The following C11orf71 variants were observed in gnomAD, a reference collection of about 807,000 sequenced individuals.
C11orf71 encodes chromosome 11 open reading frame 71.
For missense variants in C11orf71, 179 were observed against 167.6 expected (o/e 1.07, Z -0.38); for synonymous variants, 72 against 73.4 (o/e 0.98, Z 0.09).
rs747681604 is a variant in C11orf71 at position 114,391,602 on chromosome 11, C to A, written c.407G>T (p.Cys136Phe). The change falls in exon 2 of 2, where the codon TGC becomes TTC. Residue 136 changes from cysteine (C) to phenylalanine (F), a missense_variant. Transcript: ENST00000325636. ...AATTTCAAAAATATTTGAATGGCTG[C>A]ATGTTGAACACCATCTTAAATCAGG... is the stretch of plus-strand genomic sequence containing the variant. The A allele has an allele frequency of 3.3e-6, 5 of 1,537,334 alleles. No homozygotes were observed. The South Asian group carries it at 6.2e-5, about 19-fold the overall frequency.
chr11:114,397,728 T>G (rs1946139846), downstream of C11orf71, among the ~76,000 whole-genome samples: 1 of 152,156 alleles, frequency 6.6e-6, no homozygotes, highest in African/African-American at 2.4e-5. Context: ...TTTTCCCTCA[T>G]AAGCTAAAAA....
Position 114,399,810 on chromosome 11 carries a change from T to C in C11orf71, c.*150A>G, listed in dbSNP as rs1946165923. 2 of 1,131,858 alleles carry C rather than the reference T, an allele frequency of 1.8e-6. No individual in the cohort carries two copies. Among genetic ancestry groups the C allele is most frequent in the Non-Finnish European group, 2.4e-6 (2 of 828,184 alleles). The allele number at this position is 1,131,858 out of a possible 1,614,324, so 70.1% of individuals were successfully genotyped here. A position where few individuals can be genotyped will look rare whatever the true frequency, so the allele number is the denominator to read the frequency against. On this transcript the variant is annotated 3_prime_UTR_variant, in exon 1 of 1. Transcript: ENST00000623205. ...AAATCAATCAACTGTTACACTTCCC[T>C]TAGTGCTAGGACATATTCATATAAC...
In C11orf71 at chr11:114,399,265, C is replaced by T. The variant is rs947151020; in HGVS notation, c.*695G>A. ...TAGTTGAATGAACAAACACACATTTCAAGGAGGGCACTACAGTGAGTAGAT... is the reference window on the plus strand; with the variant it reads ...TAGTTGAATGAACAAACACACATTTTAAGGAGGGCACTACAGTGAGTAGAT... On this transcript the variant is annotated 3_prime_UTR_variant, in exon 1 of 1. Coordinates refer to ENST00000623205, the MANE Select transcript of C11orf71 (RefSeq NM_001271562.2). 3.9e-5 allele frequency: 6 copies of T among 152,092 alleles called. No individual in the cohort carries two copies. Among genetic ancestry groups the T allele is most frequent in the Non-Finnish European group, 8.8e-5 (6 of 68,030 alleles). 9.4% of individuals were successfully genotyped at this position (152,092 alleles called of 1,614,324 possible). A position where few individuals can be genotyped will look rare whatever the true frequency, so the allele number is the denominator to read the frequency against.
At chr11:114,393,193 A>G (rs1326664910) in intron 1 of C11orf71, among the ~76,000 whole-genome samples, 1 of 152,240 alleles carries the variant, frequency 6.6e-6, no homozygotes, top group Admixed American at 6.5e-5. Flanking sequence ...CATTGTTTGA[A>G]CACCAGCATC....
Position 114,392,506 on chromosome 11 carries a change from C to G in C11orf71, c.344-841G>C, listed in dbSNP as rs188704475. On this transcript the variant is annotated intron_variant, in intron 1 of 1. Coordinates refer to the C11orf71 transcript ENST00000325636. ...GGAGCTGAGATCATGCCACTACACT[C>G]CAGCCTAGGTGATAGAATGAGACAA... Among the ~76,000 whole-genome samples the G allele has an allele frequency of 7.0e-4, 90 of 128,938 alleles. No individual in the cohort carries two copies. In the Middle Eastern group the frequency reaches 0.02, roughly 28 times the overall value. The allele number at this position is 128,938 out of a possible 152,430, so 84.6% of individuals were successfully genotyped here. A position where few individuals can be genotyped will look rare whatever the true frequency, so the allele number is the denominator to read the frequency against.
chr11:114,394,214 T>TTTTCTTTTC (rs1565256425), downstream of C11orf71, among the ~76,000 whole-genome samples: 46 of 57,034 alleles, frequency 8.1e-4, 1 homozygote, highest in Middle Eastern at 6.6e-3. Context: ...TTTTCTTTTC[T>TTTTCTTTTC]TTTCTTTTCT....
chr11:114,394,228 C>CTTTCCTTTCCTTTCCTTTCTTTTCT (rs1946102532), downstream of C11orf71, among the ~76,000 whole-genome samples: 21 of 48,700 alleles, frequency 4.3e-4, 1 homozygote, highest in Non-Finnish European at 6.5e-4. Flanking sequence ...CTTTTCTTTT[C>CTTTCCTTTCCTTTCCTTTCTTTTCT]TTTCTTTTCT....
chr11:114,400,453 G>C lies in C11orf71; in HGVS notation c.-122C>G. ...ACTAAGCACACAGGAACCCATAACT[G>C]AGCCTGCGGAAGAGCCAGAAGCCGC... On this transcript the variant is annotated 5_prime_UTR_variant, in exon 1 of 1. An upstream open reading frame in the 5' UTR gains an earlier in-frame stop. Coordinates refer to ENST00000623205, the MANE Select transcript of C11orf71 (RefSeq NM_001271562.2). The C allele has an allele frequency of 7.3e-7, 1 of 1,369,954 alleles. No homozygotes were observed. Among genetic ancestry groups the C allele is most frequent in the Non-Finnish European group, 9.8e-7 (1 of 1,024,910 alleles). 84.9% of individuals were successfully genotyped at this position (1,369,954 alleles called of 1,614,324 possible).
At position 114,399,099 on chromosome 11, in the gene C11orf71, C is replaced by G. The variant is rs912514976; in HGVS notation, c.*861G>C. The G allele has an allele frequency of 1.7e-4, 26 of 150,074 alleles. No homozygotes were observed. The highest frequency in any genetic ancestry group is 6.4e-4 in the African/African-American group (26 of 40,858). The allele number at this position is 150,074 out of a possible 1,614,324, so 9.3% of individuals were successfully genotyped here. A position where few individuals can be genotyped will look rare whatever the true frequency, so the allele number is the denominator to read the frequency against. On this transcript the variant is annotated 3_prime_UTR_variant, in exon 1 of 1. Coordinates refer to ENST00000623205, the MANE Select transcript of C11orf71 (RefSeq NM_001271562.2). ...CTGCAACCAGTACTTATGTTTATTA[C>G]TGTACCTAATAAACAGCCCAGCGTG...
At position 114,392,815 on chromosome 11, in the gene C11orf71, G is replaced by A. The variant is rs376531400; in HGVS notation, c.344-1150C>T. ...AATCCTGTTAGCCACAGAAAACCCC[G>A]TGCCAGATCTGCCCACTGGCCACTC... On this transcript the variant is annotated intron_variant, in intron 1 of 1. Coordinates refer to the C11orf71 transcript ENST00000325636. Among the ~76,000 whole-genome samples, 9 of 150,202 alleles carry A rather than the reference G, an allele frequency of 6.0e-5. No homozygotes were observed. In the South Asian group the frequency reaches 8.4e-4, roughly 14 times the overall value.
chr11:114,393,371 C>A (rs1213029081), intron 1 of C11orf71, among the ~76,000 whole-genome samples: 1 of 152,208 alleles, frequency 6.6e-6, no homozygotes, highest in Non-Finnish European at 1.5e-5. Context: ...ATTCAAAGTC[C>A]ATTTAACTCT....
At chr11:114,394,268 T>TTTTCTTTTCTTTTCTTTTCTTTTC (rs1946109098), downstream of C11orf71, among the ~76,000 whole-genome samples, 3 of 75,168 alleles carry the variant, frequency 4.0e-5, 1 homozygote, top group Non-Finnish European at 6.9e-5. Context: ...TTTTCTTTTC[T>TTTTCTTTTCTTTTCTTTTCTTTTC]TTTCTTTTCT....
chr11:114,400,012 T>G lies in C11orf71; in HGVS notation c.320A>C (p.Gln107Pro). 6.2e-7 allele frequency: 1 copy of G among 1,613,866 alleles called. No homozygotes were observed. The highest frequency in any genetic ancestry group is 2.2e-5 in the East Asian group (1 of 44,884). Reference sequence around the variant, plus strand: ...ACCTCCTAATGCAATCAAACGCTGTTGCAGCACACTTCTTAGGAGATCGGG... The same window carrying G: ...ACCTCCTAATGCAATCAAACGCTGTGGCAGCACACTTCTTAGGAGATCGGG... ...VEPDLLRSVL[Q>P]QRLIALGGVI... is the part of the protein sequence containing the mutation. The change falls in exon 1 of 1, where the codon CAA becomes CCA. Residue 107 changes from glutamine (Q) to proline (P), a missense_variant. Physicochemically the swap from Gln to Pro is moderately conservative, Grantham distance 76. Coordinates refer to ENST00000623205, the MANE Select transcript of C11orf71 (RefSeq NM_001271562.2).
downstream of C11orf71, among the ~76,000 whole-genome samples, chr11:114,394,218 CTTT>C (rs1224127229): frequency 1.8e-5 from 1 of 55,466 alleles, no homozygotes; most frequent in African/African-American, 1.1e-4. Flanking sequence ...CTTTTCTTTT[CTTT>C]TCTTTTCTTT....
At chr11:114,397,276 T>C (rs1946136766), downstream of C11orf71, among the ~76,000 whole-genome samples, 1 of 152,350 alleles carries the variant, frequency 6.6e-6, no homozygotes, top group South Asian at 2.1e-4. Flanking sequence ...ATTGATACTA[T>C]ATAAAAATTC....
rs1946180231 is a variant in C11orf71, at chr11:114,400,497, T to C, written c.-166A>G. On this transcript the variant is annotated 5_prime_UTR_variant, in exon 1 of 1. It adds an upstream start codon to the 5' untranslated region. Coordinates refer to ENST00000623205, the MANE Select transcript of C11orf71 (RefSeq NM_001271562.2). Reference sequence around the variant, plus strand: ...AAGCCGCCTTGCCTTTAACGAGGGGTATCCTGGCGAGCATGCGCAGACCGT... The same window carrying C: ...AAGCCGCCTTGCCTTTAACGAGGGGCATCCTGGCGAGCATGCGCAGACCGT... 5 of 1,266,416 alleles carry C rather than the reference T, an allele frequency of 3.9e-6. No individual in the cohort carries two copies. The South Asian group carries it at 7.6e-5, about 19-fold the overall frequency. The allele number at this position is 1,266,416 out of a possible 1,614,324, so 78.4% of individuals were successfully genotyped here.
At chr11:114,394,233 T>TTTCCTTTCCTTTCCTTTCCTTTCC (rs1565256526), downstream of C11orf71, among the ~76,000 whole-genome samples, 1 of 37,734 alleles carries the variant, frequency 2.7e-5, no homozygotes. Flanking sequence ...CTTTTCTTTC[T>TTTCCTTTCCTTTCCTTTCCTTTCC]TTTCTTTTCT....
chr11:114,399,879 ACAC>A lies in C11orf71; in HGVS notation c.*78_*80del, dbSNP rs1209155464. On this transcript the variant is annotated 3_prime_UTR_variant, in exon 1 of 1. Coordinates refer to ENST00000623205, the MANE Select transcript of C11orf71 (RefSeq NM_001271562.2). Reference sequence around the variant, plus strand: ...AATACATCCATCTAAAAATAAAACAACACGATTGCTGCTACACCAAGAAAGGAT... The same window carrying A: ...AATACATCCATCTAAAAATAAAACAAGATTGCTGCTACACCAAGAAAGGAT... 3.0e-5 allele frequency: 44 copies of A among 1,468,224 alleles called. No individual in the cohort carries two copies. Among genetic ancestry groups the A allele is most frequent in the Non-Finnish European group, 3.7e-5 (41 of 1,111,040 alleles). The allele number at this position is 1,468,224 out of a possible 1,614,324, so 90.9% of individuals were successfully genotyped here. A position where few individuals can be genotyped will look rare whatever the true frequency, so the allele number is the denominator to read the frequency against.
chr11:114,399,085 ACTT>A lies in C11orf71; in HGVS notation c.*872_*874del, dbSNP rs1401664668. On this transcript the variant is annotated 3_prime_UTR_variant, in exon 1 of 1. Coordinates refer to ENST00000623205, the MANE Select transcript of C11orf71 (RefSeq NM_001271562.2). The stretch of plus-strand genomic sequence containing the variant: ...AAAAAAAAAAGTCACTGCAACCAGT[ACTT>A]ATGTTTATTACTGTACCTAATAAAC... 3.3e-5 allele frequency: 5 copies of A among 151,024 alleles called. No individual in the cohort carries two copies. In the East Asian group the frequency reaches 9.7e-4, roughly 29 times the overall value. 9.4% of individuals were successfully genotyped at this position (151,024 alleles called of 1,614,324 possible).
Sources: gnomAD v4.1 joint callset for allele counts (sites outside exome capture counted in the v4.1 genomes callset) on GRCh38, gnomAD v4.1.1 for gene constraint, MANE v1.5 for transcripts, NCBI Gene and HGNC (gene_info 2026-07-23, HGNC 2026-07-21) for gene names.